ARMC8: variants seen among roughly 807,000 people sequenced by gnomAD.
ARMC8 encodes armadillo repeat-containing protein 8.
A neutral mutation model predicts 99.3 loss-of-function variants in ARMC8; 20 were observed. The observed-to-expected ratio is 0.20, with a 90% confidence interval of 0.14 to 0.29. The LOEUF is 0.29. Among genes scored for constraint, ARMC8 ranks in the 10% least tolerant of loss-of-function variants. The pLI is 1.00. For synonymous variants in ARMC8, 263 were observed against 278.3 expected (o/e 0.95, Z 0.55); for missense variants, 569 against 809.5 (o/e 0.70, Z 3.60).
At position 138,187,580 on chromosome 3, in the gene ARMC8, T is replaced by G. The variant is rs753911487; in HGVS notation, c.26T>G (p.Ile9Ser). 2.6e-6 allele frequency: 4 copies of G among 1,535,646 alleles called. No individual in the cohort carries two copies. In the South Asian group the frequency reaches 3.6e-5, roughly 14 times the overall value. The change falls in exon 1 of 22, where the codon ATC (isoleucine) becomes AGC (serine). Residue 9 changes from isoleucine to serine, a missense_variant. This residue lies in a region of ARMC8 where 342 missense variants were observed against 391.6 expected (regional missense o/e 0.87). Transcript: ENST00000469044. ...ATGGCGTGCTTGTTGGAGACCCCAA[T>G]CCGCATGAGCGTCCTTTCGGTGAGT... MACLLETP[I>S]RMSVLSEVTA...
At chr3:138,237,689 T>G (rs2046402065) in intron 9 of ARMC8, 117 bp downstream of exon 9, 3 of 811,644 alleles carry the variant, frequency 3.7e-6, no homozygotes, top group South Asian at 3.7e-5. Flanking sequence ...TTTTGAAATT[T>G]GAAAGTCAGG....
At chr3:138,188,649 A>G in intron 1 of ARMC8, 1 of 1,336,566 alleles carries the variant, frequency 7.5e-7, no homozygotes, top group East Asian at 2.3e-5. Flanking sequence ...ATTATAAATG[A>G]CTTGTCGGGT....
chr3:138,228,487 A>G (rs936260932), intron 5 of ARMC8, among the ~76,000 whole-genome samples: 2 of 152,208 alleles, frequency 1.3e-5, no homozygotes, highest in Non-Finnish European at 2.9e-5. Context: ...GATTGTTAGT[A>G]TTTACTGGTG....
At chr3:138,249,305 C>T (rs1167174173) in intron 12 of ARMC8, among the ~76,000 whole-genome samples, 3 of 151,908 alleles carry the variant, frequency 2.0e-5, no homozygotes, top group African/African-American at 7.2e-5. Context: ...AGGGGTTTCA[C>T]TGTTATACTT....
intron 6 of ARMC8, among the ~76,000 whole-genome samples, chr3:138,229,288 T>C (rs1371237990): frequency 1.4e-5 from 2 of 147,552 alleles, no homozygotes; most frequent in East Asian, 3.9e-4. Context: ...TCACTTGACA[T>C]ATCTCTAAGG....
At chr3:138,226,097 A>G (rs952828588) in intron 5 of ARMC8, among the ~76,000 whole-genome samples, 9 of 152,194 alleles carry the variant, frequency 5.9e-5, no homozygotes, top group East Asian at 5.8e-4. Context: ...GGTTTAAGCA[A>G]TTCTCCTGCC....
At chr3:138,235,766 C>T (rs1379009198) in intron 7 of ARMC8, among the ~76,000 whole-genome samples, 1 of 148,850 alleles carries the variant, frequency 6.7e-6, no homozygotes, top group African/African-American at 2.5e-5. Flanking sequence ...GTCTTCTGTC[C>T]TCTTGCAGTG....
At chr3:138,235,139 G>T in intron 7 of ARMC8, 25 bp downstream of exon 7, 1 of 1,489,994 alleles carries the variant, frequency 6.7e-7, no homozygotes, top group Non-Finnish European at 9.4e-7. Flanking sequence ...ATTGTGGCCA[G>T]ATTTGTATAC....
At chr3:138,188,175 T>G in intron 1 of ARMC8, 1 of 302,778 alleles carries the variant, frequency 3.3e-6, no homozygotes, top group Non-Finnish European at 6.3e-6. Context: ...CAACTCTTCC[T>G]AGTGTGTGTG....
chr3:138,208,683 A>G (rs966303939), intron 1 of ARMC8, among the ~76,000 whole-genome samples: 20 of 152,168 alleles, frequency 1.3e-4, no homozygotes, highest in East Asian at 7.7e-4. Context: ...GGGGGAGTAT[A>G]TAAAGATATT....
Position 138,274,669 on chromosome 3 carries a change from T to C in ARMC8, c.1725+125T>C, listed in dbSNP as rs555982678. ...GCTGAGATGGGAGATGCTCTAGAAA[T>C]AGGAAGAAATATCTTCCACCATCCC... On this transcript the variant is annotated intron_variant, in intron 18 of 21. Coordinates refer to ENST00000469044, the MANE Select transcript of ARMC8 (RefSeq NM_001363941.2). The C allele has an allele frequency of 1.9e-5, 13 of 669,314 alleles. No homozygotes were observed. In the South Asian group the frequency reaches 2.1e-4, roughly 11 times the overall value. 41.5% of individuals were successfully genotyped at this position (669,314 alleles called of 1,614,324 possible).
intron 6 of ARMC8, 80 bp from the exon 7 acceptor site, chr3:138,234,954 T>G (rs1318924009): frequency 1.7e-6 from 2 of 1,181,518 alleles, no homozygotes; most frequent in African/African-American, 3.0e-5. Context: ...AATGTGGTTT[T>G]CTACATTTAA....
In ARMC8 at chr3:138,284,454, A is replaced by G; in HGVS notation, c.1749A>G (p.Ile583Met). ...AGACACTGTGCATCTTAGCCAACAT[A>G]GCGGATGGGACAACAGCAAAAGATC... ...KEQTLCILAN[I>M]ADGTTAKDLI... The change falls in exon 19 of 22, where the codon ATA becomes ATG. Residue 583 changes from isoleucine to methionine, a missense_variant. This residue lies in a region of ARMC8 where 227 missense variants were observed against 417.9 expected (regional missense o/e 0.54). Coordinates refer to ENST00000469044, the MANE Select transcript of ARMC8 (RefSeq NM_001363941.2). 2 of 1,613,686 alleles carry G rather than the reference A, an allele frequency of 1.2e-6. No individual in the cohort carries two copies. Among genetic ancestry groups the G allele is most frequent in the Non-Finnish European group, 1.7e-6 (2 of 1,179,616 alleles).
chr3:138,203,788 A>T (rs1471837288), intron 1 of ARMC8, among the ~76,000 whole-genome samples: 1 of 152,200 alleles, frequency 6.6e-6, no homozygotes, highest in Non-Finnish European at 1.5e-5. Flanking sequence ...TCCACAATGG[A>T]ATACAACTCA....
chr3:138,208,734 T>G (rs1048175138), intron 1 of ARMC8, among the ~76,000 whole-genome samples: 1 of 152,192 alleles, frequency 6.6e-6, no homozygotes. Flanking sequence ...ACAAAACTTT[T>G]TCTCTGGTTC....
At chr3:138,213,023 G>A (rs2044793578) in intron 2 of ARMC8, among the ~76,000 whole-genome samples, 1 of 152,182 alleles carries the variant, frequency 6.6e-6, no homozygotes, top group Non-Finnish European at 1.5e-5. Flanking sequence ...GTTAACAGTT[G>A]CTTGGGAGGC....
rs551714612 is a variant in ARMC8 at position 138,273,822 on chromosome 3, T to C, written c.1630-627T>C. Reference sequence around the variant, plus strand: ...CCAGTCCATTTTTTATGCTTCCCCCTTTTTTTTTTTTTGAGACAGAGTCTT... The same window carrying C: ...CCAGTCCATTTTTTATGCTTCCCCCCTTTTTTTTTTTTGAGACAGAGTCTT... On this transcript the variant is annotated intron_variant, in intron 17 of 21. Coordinates refer to ENST00000469044, the MANE Select transcript of ARMC8 (RefSeq NM_001363941.2). Among the ~76,000 whole-genome samples the C allele has an allele frequency of 2.6e-3, 354 of 138,648 alleles. 1 individual carries two copies. The highest frequency in any genetic ancestry group is 6.5e-3 in the East Asian group (32 of 4,936). The allele number at this position is 138,648 out of a possible 152,430, so 91.0% of individuals were successfully genotyped here. A position where few individuals can be genotyped will look rare whatever the true frequency, so the allele number is the denominator to read the frequency against.
intron 2 of ARMC8, among the ~76,000 whole-genome samples, chr3:138,217,996 A>T (rs2045170812): frequency 6.6e-6 from 1 of 152,334 alleles, no homozygotes; most frequent in East Asian, 1.9e-4. Context: ...TCAGTTTTGT[A>T]TAACCAGATA....
chr3:138,286,833 A>G (rs1207183441), intron 19 of ARMC8, among the ~76,000 whole-genome samples: 1 of 151,948 alleles, frequency 6.6e-6, no homozygotes, highest in Non-Finnish European at 1.5e-5. Flanking sequence ...CCCAGCCTAG[A>G]CCTCTCTTCC....
Sources: gnomAD v4.1 joint callset for allele counts (sites outside exome capture counted in the v4.1 genomes callset) on GRCh38, gnomAD v4.1.1 for gene constraint, gnomAD v4.1.1 regional missense constraint, MANE v1.5 for transcripts, NCBI Gene and HGNC (gene_info 2026-07-23, HGNC 2026-07-21) for gene names.